The following SLC4A10 variants were observed in gnomAD, a reference collection of about 807,000 sequenced individuals.
SLC4A10 encodes solute carrier family 4 member 10.
Under a neutral mutation model 137.7 loss-of-function variants are expected in SLC4A10, and 42 were observed. The observed-to-expected ratio is 0.30, with a 90% CI of 0.24 to 0.39. The LOEUF (loss-of-function observed/expected upper bound fraction) is 0.39. Ranked by LOEUF, SLC4A10 falls within the 10% of genes least tolerant of loss-of-function variation. The probability of loss-of-function intolerance (pLI) is 1.00; values close to 1 mark genes in which losing one functional copy is unlikely to be tolerated. For missense variants in SLC4A10, 925 were observed against 1,355.0 expected (o/e 0.68, Z 4.98); for synonymous variants, 474 against 464.1 (o/e 1.02, Z -0.27).
At chr2:161,662,539 G>A (rs2038560432) in intron 1 of SLC4A10, among the ~76,000 whole-genome samples, 1 of 152,026 alleles carries the variant, frequency 6.6e-6, no homozygotes, top group South Asian at 2.1e-4. Flanking sequence ...TAATTCCCTT[G>A]TTTTCCTGAG....
chr2:161,662,041 ACT>A (rs2038486661), intron 1 of SLC4A10, among the ~76,000 whole-genome samples: 1 of 152,034 alleles, frequency 6.6e-6, no homozygotes, highest in African/African-American at 2.4e-5. Context: ...TAGTATCCTG[ACT>A]CTACAGACTC....
At chr2:161,908,824 G>T (rs1243343947) in intron 15 of SLC4A10, among the ~76,000 whole-genome samples, 1 of 151,964 alleles carries the variant, frequency 6.6e-6, no homozygotes, top group Non-Finnish European at 1.5e-5. Flanking sequence ...TGGGAGAATA[G>T]AGACTGAGGA....
intron 1 of SLC4A10, among the ~76,000 whole-genome samples, chr2:161,697,640 G>T (rs189544574): frequency 1.4e-4 from 22 of 152,160 alleles, no homozygotes; most frequent in Admixed American, 3.9e-4. Context: ...ATTTCTGAGG[G>T]CTCTATTCTG....
chr2:161,925,974 A>C (rs1220885236), intron 15 of SLC4A10, among the ~76,000 whole-genome samples: 1 of 152,084 alleles, frequency 6.6e-6, no homozygotes, highest in Non-Finnish European at 1.5e-5. Flanking sequence ...ACTTCCAACT[A>C]TGTGGTCAAT....
At chr2:161,780,567 C>T (rs534919837) in intron 2 of SLC4A10, among the ~76,000 whole-genome samples, 1 of 152,008 alleles carries the variant, frequency 6.6e-6, no homozygotes, top group African/African-American at 2.4e-5. Context: ...GAAATTAAGT[C>T]GAATTATTTT....
chr2:161,756,497 A>C (rs767050304), intron 1 of SLC4A10, among the ~76,000 whole-genome samples: 7 of 152,202 alleles, frequency 4.6e-5, no homozygotes, highest in Non-Finnish European at 1.0e-4. Context: ...TGCTCATACT[A>C]CATTTTTAGG....
intron 2 of SLC4A10, among the ~76,000 whole-genome samples, chr2:161,785,019 T>C (rs1272765263): frequency 1.3e-5 from 2 of 150,486 alleles, no homozygotes; most frequent in African/African-American, 2.4e-5. Flanking sequence ...AAGAGAGGAT[T>C]CAAATAAATA....
intron 3 of SLC4A10, among the ~76,000 whole-genome samples, chr2:161,838,958 A>G (rs2058995757): frequency 6.6e-6 from 1 of 152,238 alleles, no homozygotes; most frequent in African/African-American, 2.4e-5. Context: ...TCCTACTTCT[A>G]GGTATTTACC....
chr2:161,958,691 T>A (rs1024933170), intron 21 of SLC4A10, 136 bp downstream of exon 21: 10 of 574,498 alleles, frequency 1.7e-5, no homozygotes, highest in Admixed American at 1.1e-4. Context: ...TTCAAACTTG[T>A]CAGAGTTACA....
intron 1 of SLC4A10, among the ~76,000 whole-genome samples, chr2:161,675,024 T>G (rs974736009): frequency 3.9e-5 from 6 of 152,220 alleles, no homozygotes; most frequent in African/African-American, 1.2e-4. Flanking sequence ...AATAAAAACT[T>G]CTTAACACAG....
At chr2:161,975,812 C>T (rs1191546059) in intron 24 of SLC4A10, among the ~76,000 whole-genome samples, 1 of 152,184 alleles carries the variant, frequency 6.6e-6, no homozygotes, top group African/African-American at 2.4e-5. Context: ...GGACAAGGCC[C>T]CCAGGCAGCA....
intron 15 of SLC4A10, among the ~76,000 whole-genome samples, chr2:161,912,313 A>G (rs909231024): frequency 2.0e-5 from 3 of 152,120 alleles, no homozygotes; most frequent in Admixed American, 6.6e-5. Flanking sequence ...AGCAGGTAAC[A>G]GTGGTTTCTT....
intron 1 of SLC4A10, among the ~76,000 whole-genome samples, chr2:161,674,135 T>C (rs756506429): frequency 1.3e-5 from 2 of 152,212 alleles, no homozygotes; most frequent in Non-Finnish European, 2.9e-5. Flanking sequence ...GGATACGTAT[T>C]CATTTGTCAA....
chr2:161,658,596 C>CTTTTTTT, intron 1 of SLC4A10, among the ~76,000 whole-genome samples: 1 of 128,402 alleles, frequency 7.8e-6, no homozygotes, highest in Non-Finnish European at 1.6e-5. Flanking sequence ...AAATAGTTTC[C>CTTTTTTT]TTTTTTTTTT....
intron 15 of SLC4A10, among the ~76,000 whole-genome samples, chr2:161,915,841 T>C (rs1686999945): frequency 6.6e-6 from 1 of 151,856 alleles, no homozygotes; most frequent in South Asian, 2.1e-4. Context: ...GAGAGAGGGG[T>C]CCTAATCTAA....
intron 15 of SLC4A10, among the ~76,000 whole-genome samples, chr2:161,925,640 T>G (rs1688936740): frequency 6.6e-6 from 1 of 152,194 alleles, no homozygotes; most frequent in Non-Finnish European, 1.5e-5. Context: ...TTAATTGTGA[T>G]GTTAGGGTGT....
rs762784608 is a variant in SLC4A10, at chr2:161,804,553, A to G, written c.235A>G (p.Arg79Gly). The G allele has an allele frequency of 3.3e-5, 54 of 1,612,948 alleles. No homozygotes were observed. Among genetic ancestry groups the G allele is most frequent in the Non-Finnish European group, 3.9e-5 (46 of 1,179,388 alleles). Reference sequence around the variant, plus strand: ...TAAACACAGAAAGAGAGACAGAGAAAGAGATTCAGGATTAGAGGATGGAAG... The same window carrying G: ...TAAACACAGAAAGAGAGACAGAGAAGGAGATTCAGGATTAGAGGATGGAAG... ...GHKHRKRDRE[R>G]DSGLEDGRES... The change falls in exon 3 of 27, where the codon AGA becomes GGA. Residue 79 changes from arginine (R) to glycine (G), a missense_variant. Physicochemically the swap from Arg to Gly is moderately radical, Grantham distance 125 (BLOSUM62 -2). This residue lies in a region of SLC4A10 where 138 missense variants were observed against 171.3 expected (regional missense o/e 0.81). Coordinates refer to ENST00000446997, the MANE Select transcript of SLC4A10 (RefSeq NM_001178015.2).
chr2:161,687,503 TA>T (rs1169321739), intron 1 of SLC4A10, among the ~76,000 whole-genome samples: 3 of 152,242 alleles, frequency 2.0e-5, no homozygotes, highest in Non-Finnish European at 4.4e-5. Context: ...TTAATTGACA[TA>T]ATTAACGGAA....
intron 2 of SLC4A10, among the ~76,000 whole-genome samples, chr2:161,776,288 T>C (rs1023344609): frequency 6.6e-6 from 1 of 151,912 alleles, no homozygotes; most frequent in African/African-American, 2.4e-5. Context: ...TGTATTCACA[T>C]TGTTATGCAA....
Sources: gnomAD v4.1 joint callset for allele counts (sites outside exome capture counted in the v4.1 genomes callset) on GRCh38, gnomAD v4.1.1 for gene constraint, gnomAD v4.1.1 regional missense constraint, MANE v1.5 for transcripts, NCBI Gene and HGNC (gene_info 2026-07-23, HGNC 2026-07-21) for gene names.